MYCBP2: variants seen among roughly 807,000 people sequenced by gnomAD.
MYCBP2 encodes E3 ubiquitin-protein ligase MYCBP2.
In MYCBP2, 120 loss-of-function variants were observed where a neutral mutation model predicts 525.3. That is an observed-to-expected ratio of 0.23 (90% CI 0.20 to 0.27). The LOEUF (loss-of-function observed/expected upper bound fraction) is 0.27, where lower values mean the gene tolerates loss of function less well. Among genes scored for constraint, MYCBP2 ranks in the 10% least tolerant of loss-of-function variants. The probability of loss-of-function intolerance (pLI) is 1.00; values close to 1 mark genes in which losing one functional copy is unlikely to be tolerated. For synonymous variants in MYCBP2, 1,894 were observed against 1,955.8 expected, an observed-to-expected ratio of 0.97 and a Z score of 0.83; for missense variants, 4,149 against 5,657.1, an observed-to-expected ratio of 0.73 and a Z score of 8.55.
At position 77,312,260 on chromosome 13, in the gene MYCBP2, G is replaced by A. The variant is rs150005058; in HGVS notation, c.302+14214C>T. 7.2e-5 allele frequency among the ~76,000 whole-genome samples: 11 copies of A among 152,204 alleles called. No individual in the cohort carries two copies. The East Asian group carries it at 1.5e-3, about 21-fold the overall frequency. ...GCTAAGGTCAACATTAGGCTGAAAG[G>A]AAATGCTGCATCTTCAGGAATGAAG... On this transcript the variant is annotated intron_variant, in intron 1 of 82. Transcript: ENST00000544440.
chr13:77,088,807 A>G lies in MYCBP2; in HGVS notation c.10725+25T>C. Reference sequence around the variant, plus strand: ...ACATGATTTGTATAATCAATGAATCAGTAATTTCATTAATGTCTTCATACC... The same window carrying G: ...ACATGATTTGTATAATCAATGAATCGGTAATTTCATTAATGTCTTCATACC... On this transcript the variant is annotated intron_variant, in intron 61 of 82. Coordinates refer to ENST00000544440, the MANE Select transcript of MYCBP2 (RefSeq NM_015057.5). The G allele has an allele frequency of 1.9e-6, 3 of 1,552,886 alleles. No homozygotes were observed. In the South Asian group the frequency reaches 3.4e-5, roughly 18 times the overall value.
At chr13:77,146,501 T>C (rs1472108335) in intron 47 of MYCBP2, among the ~76,000 whole-genome samples, 1 of 151,484 alleles carries the variant, frequency 6.6e-6, no homozygotes, top group Non-Finnish European at 1.5e-5. Context: ...ACAAATACTA[T>C]ACAGAAAGGA....
At chr13:77,210,344 C>T (rs1000315666) in intron 23 of MYCBP2, among the ~76,000 whole-genome samples, 6 of 151,934 alleles carry the variant, frequency 3.9e-5, no homozygotes, top group Non-Finnish European at 7.4e-5. Context: ...AGGTGCCCGC[C>T]ACCACGCCCG....
chr13:77,277,339 C>T (rs1260061021), intron 4 of MYCBP2, among the ~76,000 whole-genome samples: 1 of 152,134 alleles, frequency 6.6e-6, no homozygotes, highest in Non-Finnish European at 1.5e-5. Context: ...GCTATCATAA[C>T]AATAACCAAC....
intron 61 of MYCBP2, 130 bp downstream of exon 61, chr13:77,088,702 A>T: frequency 1.5e-6 from 1 of 688,242 alleles, no homozygotes; most frequent in Non-Finnish European, 2.3e-6. Context: ...AGGAACACTT[A>T]ATACTTTTAA....
chr13:77,292,664 G>A (rs2077607238), intron 2 of MYCBP2, among the ~76,000 whole-genome samples: 1 of 152,104 alleles, frequency 6.6e-6, no homozygotes, highest in Non-Finnish European at 1.5e-5. Context: ...AATCAGCAGA[G>A]GGTAAGAAAA....
At chr13:77,085,643 C>G (rs1276811308) in intron 62 of MYCBP2, among the ~76,000 whole-genome samples, 1 of 152,202 alleles carries the variant, frequency 6.6e-6, no homozygotes, top group Non-Finnish European at 1.5e-5. Flanking sequence ...GTGGCAGAAG[C>G]ATGGCATATG....
In MYCBP2 at chr13:77,097,794, T is replaced by C. The variant is rs1475873885; in HGVS notation, c.9360A>G (p.Val3120=). Residue 3120 remains valine, a synonymous_variant, in exon 56 of 83, where the codon GTA becomes GTG. Coordinates refer to ENST00000544440, the MANE Select transcript of MYCBP2 (RefSeq NM_015057.5). ...SKMGSINKNK[V]LSMLKEPPLH... ...GAGGTGGTTCCTTAAGCATAGACAA[T>C]ACCTTGTTTTTGTTGATGCTACCCA... The C allele has an allele frequency of 6.2e-7, 1 of 1,613,650 alleles. No homozygotes were observed. The highest frequency in any genetic ancestry group is 8.5e-7 in the Non-Finnish European group (1 of 1,179,822).
At chr13:77,231,741 CTA>C (rs1167915667) in intron 18 of MYCBP2, among the ~76,000 whole-genome samples, 1 of 152,144 alleles carries the variant, frequency 6.6e-6, no homozygotes, top group African/African-American at 2.4e-5. Context: ...CTCAGTTAAA[CTA>C]TTGGGAAAAC....
At chr13:77,286,209 A>G (rs546922492) in intron 3 of MYCBP2, among the ~76,000 whole-genome samples, 1 of 152,336 alleles carries the variant, frequency 6.6e-6, no homozygotes, top group African/African-American at 2.4e-5. Flanking sequence ...TTATGCTGCT[A>G]TTTCCAAGTA....
At chr13:77,124,554 G>C (rs1484325432) in intron 54 of MYCBP2, among the ~76,000 whole-genome samples, 1 of 152,118 alleles carries the variant, frequency 6.6e-6, no homozygotes, top group African/African-American at 2.4e-5. Context: ...TGAGCAACTA[G>C]TATGTGTCAA....
rs1370735729 is a variant in MYCBP2, at chr13:77,125,521, A to C, written c.7885-53T>G. 25 of 1,602,570 alleles carry C rather than the reference A, an allele frequency of 1.6e-5. No homozygotes were observed. In the East Asian group the frequency reaches 5.6e-4, roughly 36 times the overall value. On this transcript the variant is annotated intron_variant, in intron 53 of 82. Transcript: ENST00000544440. Reference sequence around the variant, plus strand: ...TTGGCTTGATTCTTTCAGGGAACTCAGTCTGAAAACCAGTAAAAATCTTAC... The same window carrying C: ...TTGGCTTGATTCTTTCAGGGAACTCCGTCTGAAAACCAGTAAAAATCTTAC...
Position 77,081,728 on chromosome 13 carries a change from T to C in MYCBP2, c.11194-77A>G, listed in dbSNP as rs1188828866. On this transcript the variant is annotated intron_variant, in intron 64 of 82. Transcript: ENST00000544440. The surrounding 1 kb of genome is among the most constrained non-coding windows in gnomAD (Gnocchi z 4.6). ...GATGATAAAACAAACAGGTATAAGA[T>C]AAAACATAATGGAAGACAGGATCAA... 6 of 1,533,350 alleles carry C rather than the reference T, an allele frequency of 3.9e-6. No individual in the cohort carries two copies. Among genetic ancestry groups the C allele is most frequent in the Non-Finnish European group, 1.8e-6 (2 of 1,135,802 alleles). 95.0% of individuals were successfully genotyped at this position (1,533,350 alleles called of 1,614,324 possible). A position where few individuals can be genotyped will look rare whatever the true frequency, so the allele number is the denominator to read the frequency against.
chr13:77,163,072 T>G lies in MYCBP2; in HGVS notation c.6548-1117A>C, dbSNP rs73543871. 2.0e-3 allele frequency among the ~76,000 whole-genome samples: 310 copies of G among 152,338 alleles called. 2 individuals are homozygous for G. The highest frequency in any genetic ancestry group is 5.5e-3 in the African/African-American group (227 of 41,568). The stretch of plus-strand genomic sequence containing the variant: ...GTCTACTTTTTCAAAGAGCTGCATA[T>G]ACTACCATTGAATGGCTATGCCATT... On this transcript the variant is annotated intron_variant, in intron 43 of 82. Transcript: ENST00000544440.
intron 55 of MYCBP2, among the ~76,000 whole-genome samples, chr13:77,107,115 A>G (rs79181378): frequency 6.6e-6 from 1 of 152,294 alleles, no homozygotes; most frequent in Non-Finnish European, 1.5e-5. Context: ...TGATGGGAAC[A>G]GTGTTGCTGA....
chr13:77,138,712 C>T (rs1030820703), intron 52 of MYCBP2, among the ~76,000 whole-genome samples: 15 of 152,020 alleles, frequency 9.9e-5, no homozygotes, highest in African/African-American at 3.6e-4. Context: ...AACGGAGCAC[C>T]ACAAATCTAA....
At chr13:77,173,473 AG>A (rs1416268863) in intron 37 of MYCBP2, among the ~76,000 whole-genome samples, 2 of 152,258 alleles carry the variant, frequency 1.3e-5, no homozygotes, top group Admixed American at 6.5e-5. Context: ...TGAACTACAT[AG>A]CTATTTGCTG....
At chr13:77,234,996 A>G (rs929565647) in intron 17 of MYCBP2, among the ~76,000 whole-genome samples, 1 of 152,044 alleles carries the variant, frequency 6.6e-6, no homozygotes, top group Non-Finnish European at 1.5e-5. Context: ...GGGGGCAATC[A>G]TGTCTAAAAA....
intron 34 of MYCBP2, among the ~76,000 whole-genome samples, chr13:77,178,944 T>A (rs995887676): frequency 6.6e-6 from 1 of 152,290 alleles, no homozygotes; most frequent in South Asian, 2.1e-4. Context: ...TGAGTAAATG[T>A]AAAAAGTTAA....
Sources: gnomAD v4.1 joint callset for allele counts (sites outside exome capture counted in the v4.1 genomes callset) on GRCh38, gnomAD v4.1.1 for gene constraint, Gnocchi (gnomAD v3.1) non-coding constraint, MANE v1.5 for transcripts, NCBI Gene and HGNC (gene_info 2026-07-23, HGNC 2026-07-21) for gene names.